PCDH15: variants seen among roughly 807,000 people sequenced by gnomAD.
The protein encoded by PCDH15 is protocadherin-15.
PCDH15 carries 129 observed loss-of-function variants against 178.5 expected under a neutral mutation model. The observed-to-expected ratio is 0.72, with a 90% CI of 0.63 to 0.84. The LOEUF (loss-of-function observed/expected upper bound fraction) is 0.84, where lower values mean the gene tolerates loss of function less well. Among genes scored for constraint, PCDH15 ranks in the 40% least tolerant of loss-of-function variants. The pLI is 0.00. For missense variants in PCDH15, 2,230 were observed against 2,099.9 expected, an observed-to-expected ratio of 1.06 and a Z score of -1.21; for synonymous variants, 800 against 732.0, an observed-to-expected ratio of 1.09 and a Z score of -1.50.
chr10:54,358,121 T>C (rs1945344055), intron 5 of PCDH15, among the ~76,000 whole-genome samples: 1 of 148,398 alleles, frequency 6.7e-6, no homozygotes, highest in Non-Finnish European at 1.5e-5. Context: ...ACTTCATGTC[T>C]AAAACACCAA....
At chr10:55,283,467 T>G (rs369624483) in intron 1 of PCDH15, among the ~76,000 whole-genome samples, 24 of 151,922 alleles carry the variant, frequency 1.6e-4, no homozygotes, top group African/African-American at 5.1e-4. Context: ...TCTTTCTCTA[T>G]TGCAATTCCC....
At chr10:55,221,677 A>G (rs1321986456) in intron 1 of PCDH15, among the ~76,000 whole-genome samples, 1 of 152,082 alleles carries the variant, frequency 6.6e-6, no homozygotes, top group Non-Finnish European at 1.5e-5. Context: ...TGTTTAACTG[A>G]AGGTGGAGTT....
intron 2 of PCDH15, among the ~76,000 whole-genome samples, chr10:55,140,481 T>C (rs1838316245): frequency 1.3e-5 from 2 of 152,112 alleles, no homozygotes; most frequent in South Asian, 4.1e-4. Context: ...TTTTCTTCTT[T>C]AGCCTATGTA....
intron 1 of PCDH15, among the ~76,000 whole-genome samples, chr10:54,784,340 A>T (rs912712444): frequency 1.5e-5 from 2 of 136,500 alleles, no homozygotes; most frequent in Non-Finnish European, 3.0e-5. Context: ...ATAATAATAA[A>T]AAAAAAAAAG....
At chr10:53,972,921 C>T (rs1215581690) in intron 21 of PCDH15, among the ~76,000 whole-genome samples, 2 of 152,118 alleles carry the variant, frequency 1.3e-5, no homozygotes, top group East Asian at 3.9e-4. Context: ...TACCATTTGA[C>T]CCAGCCATCG....
At chr10:55,116,996 T>A (rs1837643427) in intron 2 of PCDH15, among the ~76,000 whole-genome samples, 1 of 152,212 alleles carries the variant, frequency 6.6e-6, no homozygotes, top group Non-Finnish European at 1.5e-5. Context: ...ACTTTTGTTG[T>A]CTTCTAATAA....
rs557847346 is a variant in PCDH15 at position 54,288,993 on chromosome 10, C to A, written c.876+28278G>T. Among the ~76,000 whole-genome samples the A allele has an allele frequency of 5.3e-5, 8 of 152,232 alleles. No homozygotes were observed. The South Asian group carries it at 1.7e-3, about 31-fold the overall frequency. On this transcript the variant is annotated intron_variant, in intron 8 of 37. Coordinates refer to ENST00000644397, the MANE Select transcript of PCDH15 (RefSeq NM_001384140.1). Reference sequence around the variant, plus strand: ...TGCAGACTTAAAAATCCCTGTCTGACGCTCTGAAGAGAGCAGTTGTTCTCC... The same window carrying A: ...TGCAGACTTAAAAATCCCTGTCTGAAGCTCTGAAGAGAGCAGTTGTTCTCC...
At chr10:55,522,579 T>C (rs1398918245) in intron 2 of PCDH15, among the ~76,000 whole-genome samples, 2 of 151,798 alleles carry the variant, frequency 1.3e-5, no homozygotes, top group East Asian at 3.9e-4. Context: ...ATCTTCTTTG[T>C]CTCTTGTGAC....
intron 2 of PCDH15, among the ~76,000 whole-genome samples, chr10:54,615,401 G>C (rs1292243946): frequency 6.6e-6 from 1 of 152,002 alleles, no homozygotes; most frequent in African/African-American, 2.4e-5. Context: ...GCAAGAAATG[G>C]AATTAGAAGA....
At chr10:54,878,409 A>G (rs1412192303) in intron 3 of PCDH15, among the ~76,000 whole-genome samples, 1 of 152,208 alleles carries the variant, frequency 6.6e-6, no homozygotes, top group Admixed American at 6.5e-5. Context: ...ATATGCAGAT[A>G]TTCCACAAGA....
chr10:55,463,965 GAAAGAA>G lies in PCDH15; in HGVS notation c.-156+163654_-156+163659del, dbSNP rs1839756687. On this transcript the variant is annotated intron_variant, in intron 2 of 5. Transcript: ENST00000613346. ...AGAAAGAAAGAAAGAAAGAAAGAAA[GAAAGAA>G]AGAGAAAGAAAGAAAGAAAGAGAAA... Among the ~76,000 whole-genome samples, 3 of 35,732 alleles carry G rather than the reference GAAAGAA, an allele frequency of 8.4e-5. 1 individual carries two copies. Among genetic ancestry groups the G allele is most frequent in the South Asian group, 1.8e-3 (2 of 1,112 alleles). 23.4% of individuals were successfully genotyped at this position (35,732 alleles called of 152,430 possible). A position where few individuals can be genotyped will look rare whatever the true frequency, so the allele number is the denominator to read the frequency against.
chr10:54,169,642 A>G (rs546695081), intron 13 of PCDH15, among the ~76,000 whole-genome samples: 1 of 150,526 alleles, frequency 6.6e-6, no homozygotes, highest in African/African-American at 2.5e-5. Context: ...CCCCACCTTA[A>G]CCTACAAGTA....
chr10:55,502,975 A>G (rs1589087906), intron 2 of PCDH15, among the ~76,000 whole-genome samples: 1 of 151,620 alleles, frequency 6.6e-6, no homozygotes, highest in African/African-American at 2.4e-5. Context: ...GAGCACTTTT[A>G]TGTGTGACAA....
Position 53,820,215 on chromosome 10 carries a change from C to T in PCDH15, c.4383G>A (p.Trp1461Ter), listed in dbSNP as rs1051839869. Residue 1461 changes from tryptophan to a stop codon, truncating the protein, a stop_gained, in exon 33 of 38, where the codon TGG becomes TGA. Transcript: ENST00000644397. LOFTEE classifies it high-confidence loss of function. ...AAGTTCTCATGCATATGACCAGCTG[C>T]CAACAAAAACTCCAACTGAAGTTTT... ...LGDSSIWSFC[W>*]QLVICMRTCA... 2.5e-6 allele frequency: 1 copy of T among 397,616 alleles called. No homozygotes were observed. Among genetic ancestry groups the T allele is most frequent in the Admixed American group, 4.4e-5 (1 of 22,672 alleles). The allele number at this position is 397,616 out of a possible 1,614,324, so 24.6% of individuals were successfully genotyped here. A position where few individuals can be genotyped will look rare whatever the true frequency, so the allele number is the denominator to read the frequency against.
intron 3 of PCDH15, among the ~76,000 whole-genome samples, chr10:54,527,483 T>A (rs1030624270): frequency 6.6e-6 from 1 of 152,144 alleles, no homozygotes; most frequent in African/African-American, 2.4e-5. Flanking sequence ...TTTGGAGGAA[T>A]ACGTTGTGTT....
rs1470346520 is a variant in PCDH15 at position 54,780,464 on chromosome 10, A to G, written c.-29+20461T>C. On this transcript the variant is annotated intron_variant, in intron 1 of 37. Coordinates refer to ENST00000644397, the MANE Select transcript of PCDH15 (RefSeq NM_001384140.1). Reference sequence around the variant, plus strand: ...CTCAAGAGGAGACGTGAAACCCGAAATATCTCCCTTGAGGATGGGATTTTT... The same window carrying G: ...CTCAAGAGGAGACGTGAAACCCGAAGTATCTCCCTTGAGGATGGGATTTTT... Among the ~76,000 whole-genome samples the G allele has an allele frequency of 6.6e-5, 10 of 152,276 alleles. No homozygotes were observed. In the East Asian group the frequency reaches 1.9e-3, roughly 30 times the overall value.
intron 13 of PCDH15, among the ~76,000 whole-genome samples, chr10:54,157,700 A>G (rs1210263409): frequency 6.6e-6 from 1 of 152,106 alleles, no homozygotes; most frequent in Non-Finnish European, 1.5e-5. Context: ...ATTTTCTTTT[A>G]TATTGTGTTG....
At chr10:54,169,746 C>T (rs1176299260) in intron 13 of PCDH15, among the ~76,000 whole-genome samples, 1 of 152,034 alleles carries the variant, frequency 6.6e-6, no homozygotes, top group African/African-American at 2.4e-5. Context: ...ACGCCGACAT[C>T]CCATCCCGCA....
intron 1 of PCDH15, among the ~76,000 whole-genome samples, chr10:55,293,791 G>A (rs1164141629): frequency 6.6e-6 from 1 of 152,032 alleles, no homozygotes; most frequent in Non-Finnish European, 1.5e-5. Flanking sequence ...TCAGCATTTT[G>A]ATCAAAGCCA....
Sources: allele counts gnomAD v4.1 joint callset (sites outside exome capture counted in the v4.1 genomes callset), GRCh38; gene constraint gnomAD v4.1.1; transcripts MANE v1.5; gene names NCBI Gene and HGNC (gene_info 2026-07-23, HGNC 2026-07-21).